The following NUMA1 variants were observed in gnomAD, a reference collection of about 807,000 sequenced individuals.
NUMA1 encodes nuclear mitotic apparatus protein 1.
In NUMA1, 62 loss-of-function variants were observed where a neutral mutation model predicts 237.1. The ratio of observed to expected loss-of-function variants is 0.26; its 90% CI spans 0.21 to 0.32. The LOEUF (loss-of-function observed/expected upper bound fraction) is 0.32, where lower values mean the gene tolerates loss of function less well. Among genes scored for constraint, NUMA1 ranks in the 10% least tolerant of loss-of-function variants. The pLI, the probability that NUMA1 is intolerant of heterozygous loss-of-function variation, is 1.00. For synonymous variants in NUMA1, 1,028 were observed against 1,066.1 expected (o/e 0.96, Z 0.70); for missense variants, 2,533 against 2,666.5 (o/e 0.95, Z 1.10).
chr11:72,055,282 C>T (rs1221185146), intron 2 of NUMA1, among the ~76,000 whole-genome samples: 1 of 152,122 alleles, frequency 6.6e-6, no homozygotes, highest in Non-Finnish European at 1.5e-5. Flanking sequence ...AACCTTACAA[C>T]AGCTGTTTAA....
chr11:72,049,556 TAATA>T (rs1404781815), intron 2 of NUMA1: 1 of 21,618 alleles, frequency 4.6e-5, no homozygotes, highest in Non-Finnish European at 1.6e-4. Context: ...AAAAAAATAA[TAATA>T]ATATATATAT....
chr11:72,073,047 T>TTAAAAAAAAA (rs1298771312), intron 1 of NUMA1, among the ~76,000 whole-genome samples: 1 of 1,268 alleles, frequency 7.9e-4, no homozygotes, highest in Non-Finnish European at 5.9e-3. Flanking sequence ...AGACTCCGTC[T>TTAAAAAAAAA]CAAAAAAAAA....
chr11:72,007,562 A>AT lies in NUMA1; in HGVS notation c.5217-128dup. Reference sequence around the variant, plus strand: ...TGAGGTCAAGCAGCCCATCTCTCTGATTTTTCAGAGGTACCAAGGAAAGCA... The same window carrying AT: ...TGAGGTCAAGCAGCCCATCTCTCTGATTTTTTCAGAGGTACCAAGGAAAGCA... On this transcript the variant is annotated intron_variant, in intron 20 of 26. Transcript: ENST00000393695. 4.1e-6 allele frequency: 5 copies of AT among 1,230,632 alleles called. No individual in the cohort carries two copies. The East Asian group carries it at 7.6e-5, about 19-fold the overall frequency. The allele number at this position is 1,230,632 out of a possible 1,614,324, so 76.2% of individuals were successfully genotyped here. A position where few individuals can be genotyped will look rare whatever the true frequency, so the allele number is the denominator to read the frequency against.
rs1452008380 is a variant in NUMA1, at chr11:72,010,872, G to T, written c.4651-18C>A. ...TCTTCCACCTGGGGAGGGAAGAGGA[G>T]GACAGAAGACTCAGGAGGACTTCCC... On this transcript the variant is annotated intron_variant, in intron 16 of 26. Coordinates refer to ENST00000393695, the MANE Select transcript of NUMA1 (RefSeq NM_006185.4). The T allele has an allele frequency of 2.5e-6, 4 of 1,611,946 alleles. No individual in the cohort carries two copies.
chr11:72,055,684 T>C (rs1942594688), intron 2 of NUMA1, among the ~76,000 whole-genome samples: 1 of 152,068 alleles, frequency 6.6e-6, no homozygotes, highest in Non-Finnish European at 1.5e-5. Context: ...ACTGTAATTA[T>C]TAAATACCAG....
chr11:72,021,778 T>A (rs185209040), intron 7 of NUMA1, among the ~76,000 whole-genome samples: 2,164 of 152,070 alleles, frequency 0.014, 52 homozygotes, highest in Non-Finnish European at 0.014. Context: ...TCATTTTTTT[T>A]AAAAAAAATA....
At chr11:72,053,745 G>A (rs1241520121) in intron 2 of NUMA1, among the ~76,000 whole-genome samples, 1 of 152,156 alleles carries the variant, frequency 6.6e-6, no homozygotes, top group Non-Finnish European at 1.5e-5. Flanking sequence ...ACCAATTACA[G>A]TAGGCCCTCT....
chr11:72,018,580 AGAAC>A, intron 10 of NUMA1, 67 bp from the exon 11 acceptor site: 26 of 1,390,162 alleles, frequency 1.9e-5, no homozygotes, highest in Non-Finnish European at 2.5e-5. Context: ...CTATGTGCAC[AGAAC>A]TATGTGCACA....
intron 1 of NUMA1, among the ~76,000 whole-genome samples, chr11:72,074,010 G>A (rs1943587326): frequency 6.6e-6 from 1 of 151,898 alleles, no homozygotes; most frequent in Admixed American, 6.6e-5. Context: ...TGGCCAACAT[G>A]GGGAAACCCG....
chr11:72,061,610 A>G (rs1187040439), intron 2 of NUMA1, among the ~76,000 whole-genome samples: 3 of 145,858 alleles, frequency 2.1e-5, no homozygotes, highest in Admixed American at 1.4e-4. Flanking sequence ...CCTTCCTCAG[A>G]CTCCTGAGTA....
intron 3 of NUMA1, 30 bp downstream of exon 3, chr11:72,035,872 T>C (rs754676298): frequency 2.5e-6 from 4 of 1,610,034 alleles, no homozygotes; most frequent in Admixed American, 1.7e-5. Flanking sequence ...TGGAGAAGTA[T>C]AGCCAACAAA....
At position 72,013,650 on chromosome 11, in the gene NUMA1, C is replaced by T. The variant is rs778957434; in HGVS notation, c.3853G>A (p.Glu1285Lys). Residue 1285 changes from glutamate (E) to lysine (K), a missense_variant, in exon 15 of 27, where the codon GAA (glutamate) becomes AAA (lysine). Transcript: ENST00000393695. This position sits in a 1 kb window ranked among gnomAD's most constrained non-coding sequence, Gnocchi z 6.8. ...TCCTCCCGCAGAGCAGAGCTGCGTTCTGCAGCTCTGGCACTGTTGCTGGCT... is the reference window on the plus strand; with the variant it reads ...TCCTCCCGCAGAGCAGAGCTGCGTTTTGCAGCTCTGGCACTGTTGCTGGCT... ...ETASNSARAAERSSALREEVQ... is the reference protein window; with the variant it reads ...ETASNSARAAKRSSALREEVQ... 2.1e-5 allele frequency: 34 copies of T among 1,609,558 alleles called. No individual in the cohort carries two copies. The highest frequency in any genetic ancestry group is 1.2e-4 in the African/African-American group (9 of 74,920).
intron 6 of NUMA1, 21 bp downstream of exon 6, chr11:72,023,044 A>G (rs1939104244): frequency 6.3e-7 from 1 of 1,592,446 alleles, no homozygotes; most frequent in Non-Finnish European, 8.6e-7. Context: ...CTGCCTCCCC[A>G]GTCTGGTATT....
chr11:72,018,037 A>T, intron 12 of NUMA1, 146 bp downstream of exon 12: 1 of 925,162 alleles, frequency 1.1e-6, no homozygotes, highest in Non-Finnish European at 1.7e-6. Context: ...ATTATGGGAT[A>T]AGGAAAGGGG....
At chr11:72,030,004 G>A (rs563046699) in intron 3 of NUMA1, among the ~76,000 whole-genome samples, 111 of 152,172 alleles carry the variant, frequency 7.3e-4, no homozygotes, top group African/African-American at 2.6e-3. Flanking sequence ...AGGGGAGAAG[G>A]GAAAAACAAT....
At chr11:72,022,782 C>T (rs142450764) in intron 6 of NUMA1, among the ~76,000 whole-genome samples, 1,558 of 151,984 alleles carry the variant, frequency 0.01, 18 homozygotes, top group Non-Finnish European at 0.016. Flanking sequence ...CCGAATGAGA[C>T]CTGATTTCTG....
In NUMA1 at chr11:72,060,465, G is replaced by A. The variant is rs143757304; in HGVS notation, c.-33+9377C>T. ...TCGAGACCAACCTGGGCAACATGGC[G>A]AGATTCCATCTCTACAAAAATTAGA... On this transcript the variant is annotated intron_variant, in intron 2 of 26. Transcript: ENST00000393695. Among the ~76,000 whole-genome samples the A allele has an allele frequency of 6.2e-3, 941 of 152,192 alleles. 7 individuals are homozygous for A. Among genetic ancestry groups the A allele is most frequent in the African/African-American group, 0.019 (800 of 41,518 alleles).
chr11:72,008,821 G>C lies in NUMA1; in HGVS notation c.5083C>G (p.Arg1695Gly), dbSNP rs1229344654. The change falls in exon 20 of 27, where the codon CGA becomes GGA. Residue 1695 changes from arginine (R) to glycine (G), a missense_variant. Physicochemically the swap from Arg to Gly is moderately radical, Grantham distance 125 (BLOSUM62 -2). This residue lies in a region of NUMA1 where 795 missense variants were observed against 750.8 expected (regional missense o/e 1.06). Coordinates refer to ENST00000393695, the MANE Select transcript of NUMA1 (RefSeq NM_006185.4). ...GCCACCTGGAATTTGCCCAGGTCTC[G>C]AAGCTGCTGGTCTGCATGGGCAACC... The part of the protein sequence containing the change: ...AQVAHADQQL[R>G]DLGKFQVATD... 2.5e-6 allele frequency: 4 copies of C among 1,614,130 alleles called. No homozygotes were observed. The highest frequency in any genetic ancestry group is 3.4e-6 in the Non-Finnish European group (4 of 1,180,026).
intron 20 of NUMA1, 90 bp downstream of exon 20, chr11:72,008,598 A>C (rs778752743): frequency 1.5e-6 from 2 of 1,374,678 alleles, no homozygotes; most frequent in Admixed American, 3.4e-5. Context: ...GAATAAATTT[A>C]GATCACATCT....
Sources: allele counts gnomAD v4.1 joint callset (sites outside exome capture counted in the v4.1 genomes callset), GRCh38; gene constraint gnomAD v4.1.1; regional missense constraint gnomAD v4.1.1; non-coding constraint Gnocchi (gnomAD v3.1); transcripts MANE v1.5; gene names NCBI Gene and HGNC (gene_info 2026-07-23, HGNC 2026-07-21).